GRIK2: variants seen among roughly 807,000 people sequenced by gnomAD.
GRIK2 encodes the protein glutamate ionotropic receptor kainate type subunit 2.
GRIK2 carries 32 observed loss-of-function variants against 100.3 expected under a neutral mutation model. The observed-to-expected ratio is 0.32, with a 90% CI of 0.24 to 0.43. GRIK2 has a LOEUF of 0.43. Ranked by LOEUF, GRIK2 falls within the 20% of genes least tolerant of loss-of-function variation. The pLI is 1.00. For synonymous variants in GRIK2, 417 were observed against 389.4 expected (o/e 1.07, Z -0.83); for missense variants, 843 against 1,114.9 (o/e 0.76, Z 3.47).
chr6:101,748,764 A>G (rs1776604014), intron 7 of GRIK2, among the ~76,000 whole-genome samples: 1 of 152,120 alleles, frequency 6.6e-6, no homozygotes, highest in South Asian at 2.1e-4. Flanking sequence ...ATATATGTAC[A>G]TGTATTGACT....
intron 9 of GRIK2, among the ~76,000 whole-genome samples, chr6:101,806,522 C>T (rs987686903): frequency 3.3e-5 from 5 of 151,884 alleles, no homozygotes; most frequent in Non-Finnish European, 7.4e-5. Flanking sequence ...TGTTTAAATG[C>T]TTTCATAGAT....
chr6:101,941,213 C>T (rs1790932091), intron 14 of GRIK2, among the ~76,000 whole-genome samples: 1 of 151,768 alleles, frequency 6.6e-6, no homozygotes, highest in Admixed American at 6.6e-5. Context: ...AATTATTTTT[C>T]TAGTTTAAAA....
intron 10 of GRIK2, among the ~76,000 whole-genome samples, chr6:101,822,005 A>C (rs1781986557): frequency 6.6e-6 from 1 of 152,146 alleles, no homozygotes; most frequent in Non-Finnish European, 1.5e-5. Flanking sequence ...GGAATTCAGC[A>C]CTATCCACAA....
chr6:101,428,922 T>C (rs1162151172), intron 2 of GRIK2, among the ~76,000 whole-genome samples: 1 of 152,228 alleles, frequency 6.6e-6, no homozygotes, highest in Non-Finnish European at 1.5e-5. Flanking sequence ...CTTTCTCCTT[T>C]CAAATTCTTA....
chr6:101,716,178 A>G (rs1774050521), intron 7 of GRIK2, among the ~76,000 whole-genome samples: 1 of 151,854 alleles, frequency 6.6e-6, no homozygotes, highest in Admixed American at 6.6e-5. Context: ...CTTTCAGACC[A>G]TATTTCTCCA....
intron 5 of GRIK2, among the ~76,000 whole-genome samples, chr6:101,679,262 T>A (rs528895442): frequency 3.3e-5 from 5 of 152,298 alleles, no homozygotes; most frequent in African/African-American, 1.2e-4. Context: ...TAGGCCCCCC[T>A]CATATTGTTG....
chr6:101,568,459 T>A (rs1777383253), intron 2 of GRIK2, among the ~76,000 whole-genome samples: 1 of 152,080 alleles, frequency 6.6e-6, no homozygotes, highest in South Asian at 2.1e-4. Flanking sequence ...TAAATCCTGG[T>A]TTGAGCCTAA....
chr6:101,911,078 G>A (rs867903132), intron 12 of GRIK2, among the ~76,000 whole-genome samples: 1 of 151,396 alleles, frequency 6.6e-6, no homozygotes. Flanking sequence ...GGGCTGTTTT[G>A]TCTTCTGTTG....
In GRIK2 at chr6:101,910,839, C is replaced by CCACACACACACACGCACA. The variant is rs1554284825; in HGVS notation, c.1749-13749_1749-13748insGCACACACACACACACAC. Among the ~76,000 whole-genome samples, 76 of 143,368 alleles carry CCACACACACACACGCACA rather than the reference C, an allele frequency of 5.3e-4. 1 individual carries two copies. The highest frequency in any genetic ancestry group is 1.9e-3 in the African/African-American group (72 of 37,830). The allele number at this position is 143,368 out of a possible 152,430, so 94.1% of individuals were successfully genotyped here. A position where few individuals can be genotyped will look rare whatever the true frequency, so the allele number is the denominator to read the frequency against. On this transcript the variant is annotated intron_variant, in intron 12 of 16. Transcript: ENST00000369134. ...CACAGTAAAATAATACCAACATACA[C>CCACACACACACACGCACA]CACACACACACACACACACACACAC...
In GRIK2 at chr6:101,791,583, T is replaced by C. The variant is rs1290185845; in HGVS notation, c.952-8065T>C. On this transcript the variant is annotated intron_variant, in intron 7 of 16. Transcript: ENST00000369134. ...CTGTGGTCTGAGAGACAGTTTGTTA[T>C]AATTTCTTTTTTTTTACATTTGCTG... Among the ~76,000 whole-genome samples, 4 of 149,288 alleles carry C rather than the reference T, an allele frequency of 2.7e-5. No individual in the cohort carries two copies. In the East Asian group the frequency reaches 8.0e-4, roughly 30 times the overall value.
At chr6:101,976,083 AG>A (rs1449136466) in intron 14 of GRIK2, among the ~76,000 whole-genome samples, 1 of 151,972 alleles carries the variant, frequency 6.6e-6, no homozygotes, top group African/African-American at 2.4e-5. Context: ...AGGAGGAAAA[AG>A]AGGTCAAAGT....
chr6:101,585,776 AATAG>A (rs1778329159), intron 2 of GRIK2, among the ~76,000 whole-genome samples: 1 of 152,116 alleles, frequency 6.6e-6, no homozygotes, highest in Non-Finnish European at 1.5e-5. Context: ...AAATATAAAT[AATAG>A]ATGATTCAGA....
At chr6:101,876,336 A>G (rs73496632) in intron 11 of GRIK2, among the ~76,000 whole-genome samples, 1,577 of 151,994 alleles carry the variant, frequency 0.01, 22 homozygotes, top group African/African-American at 0.036. Context: ...AGATTAATCT[A>G]AAAAAGAATC....
At chr6:101,950,358 G>A (rs1791534134) in intron 14 of GRIK2, among the ~76,000 whole-genome samples, 1 of 152,118 alleles carries the variant, frequency 6.6e-6, no homozygotes, top group South Asian at 2.1e-4. Context: ...TGGTTGACCA[G>A]AGGTCACTTG....
chr6:101,437,438 C>T (rs1370181649), intron 2 of GRIK2, among the ~76,000 whole-genome samples: 1 of 152,068 alleles, frequency 6.6e-6, no homozygotes, highest in African/African-American at 2.4e-5. Context: ...AAGGATTGGT[C>T]TATTTCCATT....
intron 2 of GRIK2, among the ~76,000 whole-genome samples, chr6:101,495,409 G>A (rs953541639): frequency 2.0e-5 from 3 of 152,238 alleles, no homozygotes; most frequent in South Asian, 4.2e-4. Flanking sequence ...GGGAGGCTGA[G>A]GCAGGAGAAT....
At chr6:101,981,145 A>T (rs1468339636) in intron 14 of GRIK2, among the ~76,000 whole-genome samples, 2 of 151,758 alleles carry the variant, frequency 1.3e-5, no homozygotes, top group Non-Finnish European at 2.9e-5. Flanking sequence ...AGCAGACCCA[A>T]GCAGGTTGAT....
chr6:101,446,838 C>G (rs957623782), intron 2 of GRIK2, among the ~76,000 whole-genome samples: 9 of 150,838 alleles, frequency 6.0e-5, no homozygotes, highest in Non-Finnish European at 1.3e-4. Context: ...TATGGAAATA[C>G]TACCCATGGC....
At chr6:101,408,870 TCA>T (rs2128237440) in intron 2 of GRIK2, among the ~76,000 whole-genome samples, 1 of 152,106 alleles carries the variant, frequency 6.6e-6, no homozygotes, top group Admixed American at 6.5e-5. Flanking sequence ...AAATTAAACA[TCA>T]CCCAGATAAT....
Sources: gnomAD v4.1 joint callset for allele counts (sites outside exome capture counted in the v4.1 genomes callset) on GRCh38, gnomAD v4.1.1 for gene constraint, MANE v1.5 for transcripts, NCBI Gene and HGNC (gene_info 2026-07-23, HGNC 2026-07-21) for gene names.